Variants in AK5 observed in about 807,000 individuals in gnomAD.
AK5 encodes the protein adenylate kinase isoenzyme 5.
Under a neutral mutation model 69.5 loss-of-function variants are expected in AK5, and 27 were observed. The ratio of observed to expected loss-of-function variants is 0.39; its 90% confidence interval spans 0.29 to 0.54. The LOEUF (loss-of-function observed/expected upper bound fraction) is 0.54. AK5 is among the 20% of genes least tolerant of loss of function. The pLI is 0.71. For synonymous variants in AK5, 260 were observed against 244.4 expected, an observed-to-expected ratio of 1.06 and a Z score of -0.60; for missense variants, 531 against 700.4, an observed-to-expected ratio of 0.76 and a Z score of 2.73.
intron 8 of AK5, among the ~76,000 whole-genome samples, chr1:77,471,633 T>G (rs1201999691): frequency 6.6e-6 from 1 of 152,144 alleles, no homozygotes; most frequent in Non-Finnish European, 1.5e-5. Flanking sequence ...TTAAAGCCTA[T>G]CCCCAAAGAT....
chr1:77,499,869 CATTTTTTTTTTTT>C (rs1371244046), intron 10 of AK5, among the ~76,000 whole-genome samples: 21 of 78,776 alleles, frequency 2.7e-4, no homozygotes, highest in South Asian at 1.1e-3. Context: ...GCCCTTTTTC[CATTTTTTTTTTTT>C]TTTTTTTTTT....
At chr1:77,340,675 TG>T in intron 6 of AK5, 107 bp downstream of exon 6, 1 of 1,015,858 alleles carries the variant, frequency 9.8e-7, no homozygotes, top group Non-Finnish European at 1.4e-6. Flanking sequence ...AAGTGGCTTT[TG>T]GGGGGTACAG....
intron 10 of AK5, among the ~76,000 whole-genome samples, chr1:77,510,788 A>C (rs529450791): frequency 3.3e-4 from 50 of 152,222 alleles, no homozygotes; most frequent in African/African-American, 1.1e-3. Flanking sequence ...GTGTTTGTGC[A>C]CCATGACGAG....
In AK5 at chr1:77,558,718, A is replaced by G. The variant is rs1325362961; in HGVS notation, c.*48A>G. ...GAATGGAAACAGAAAAACATTAAAAAGTTCATTCCTTAACACAATGTTTCA... is the reference window on the plus strand; with the variant it reads ...GAATGGAAACAGAAAAACATTAAAAGGTTCATTCCTTAACACAATGTTTCA... On this transcript the variant is annotated 3_prime_UTR_variant, in exon 14 of 14. Coordinates refer to ENST00000354567, the MANE Select transcript of AK5 (RefSeq NM_174858.3). The G allele has an allele frequency of 1.5e-6, 2 of 1,302,490 alleles. No homozygotes were observed. Among genetic ancestry groups the G allele is most frequent in the Non-Finnish European group, 2.2e-6 (2 of 899,564 alleles). The allele number at this position is 1,302,490 out of a possible 1,614,324, so 80.7% of individuals were successfully genotyped here.
chr1:77,403,355 T>A (rs375697544), intron 6 of AK5, among the ~76,000 whole-genome samples: 7 of 151,932 alleles, frequency 4.6e-5, no homozygotes, highest in African/African-American at 1.5e-4. Flanking sequence ...GGTGTTTTAG[T>A]CATGAAGTCC....
chr1:77,312,949 T>A (rs1387788556), intron 5 of AK5, among the ~76,000 whole-genome samples: 1 of 152,118 alleles, frequency 6.6e-6, no homozygotes, highest in Admixed American at 6.5e-5. Flanking sequence ...CCTTCCTTCA[T>A]AATGATGCTG....
chr1:77,283,063 G>A, intron 1 of AK5: 1 of 985,618 alleles, frequency 1.0e-6, no homozygotes, highest in Non-Finnish European at 1.2e-6. Flanking sequence ...AGGGAGCTGC[G>A]AGGGGGGCGG....
chr1:77,364,347 T>G (rs1013635921), intron 6 of AK5, among the ~76,000 whole-genome samples: 2 of 152,218 alleles, frequency 1.3e-5, no homozygotes, highest in African/African-American at 4.8e-5. Flanking sequence ...TTTCTGTCAT[T>G]TCAAACATTA....
intron 6 of AK5, among the ~76,000 whole-genome samples, chr1:77,399,778 A>G (rs912843630): frequency 2.0e-5 from 3 of 152,218 alleles, no homozygotes; most frequent in Admixed American, 6.5e-5. Flanking sequence ...GATGACCTCA[A>G]TCCTCTCAGC....
intron 8 of AK5, among the ~76,000 whole-genome samples, chr1:77,459,669 A>T (rs984831113): frequency 6.6e-6 from 1 of 152,206 alleles, no homozygotes; most frequent in Non-Finnish European, 1.5e-5. Flanking sequence ...CCACAGATTT[A>T]ACAAATACTT....
intron 2 of AK5, among the ~76,000 whole-genome samples, chr1:77,290,636 C>T (rs972858233): frequency 3.3e-5 from 5 of 152,174 alleles, no homozygotes; most frequent in African/African-American, 1.2e-4. Flanking sequence ...TCATAGAGCC[C>T]ATCTTCCAGA....
At chr1:77,428,060 A>T (rs533471802) in intron 8 of AK5, among the ~76,000 whole-genome samples, 2 of 152,192 alleles carry the variant, frequency 1.3e-5, no homozygotes, top group Non-Finnish European at 1.5e-5. Flanking sequence ...ACATTTCAAC[A>T]TGAGATGAGA....
At chr1:77,527,519 G>A (rs1168141192) in intron 12 of AK5, among the ~76,000 whole-genome samples, 1 of 152,188 alleles carries the variant, frequency 6.6e-6, no homozygotes, top group African/African-American at 2.4e-5. Flanking sequence ...TACACTCAAT[G>A]CTAAAATTCA....
intron 10 of AK5, among the ~76,000 whole-genome samples, chr1:77,489,179 T>C (rs1353616011): frequency 6.6e-6 from 1 of 152,150 alleles, no homozygotes; most frequent in Admixed American, 6.5e-5. Flanking sequence ...AACAGCACAG[T>C]AGAAGATCTT....
chr1:77,321,306 T>C (rs1037815871), intron 5 of AK5, among the ~76,000 whole-genome samples: 15 of 152,230 alleles, frequency 9.9e-5, no homozygotes, highest in African/African-American at 3.6e-4. Context: ...ACCCCATCTC[T>C]ACTAAAAATA....
Position 77,379,330 on chromosome 1 carries a change from G to A in AK5, c.892-31651G>A, listed in dbSNP as rs139211234. ...GAGCACATTAATCATCATCATTATC[G>A]CAGATCCCAGAAAGGAAGAGGCTTT... On this transcript the variant is annotated intron_variant, in intron 6 of 13. Transcript: ENST00000354567. 2.5e-3 allele frequency among the ~76,000 whole-genome samples: 384 copies of A among 152,266 alleles called. 1 individual carries two copies. Among genetic ancestry groups the A allele is most frequent in the African/African-American group, 8.8e-3 (364 of 41,530 alleles).
chr1:77,478,260 G>A (rs1655064685), intron 8 of AK5, among the ~76,000 whole-genome samples: 1 of 152,214 alleles, frequency 6.6e-6, no homozygotes, highest in Non-Finnish European at 1.5e-5. Flanking sequence ...GAGGTGATCT[G>A]TGATATGGTT....
intron 10 of AK5, among the ~76,000 whole-genome samples, chr1:77,513,438 A>G (rs1294872097): frequency 6.6e-6 from 1 of 152,208 alleles, no homozygotes. Flanking sequence ...TGTCAAACCC[A>G]TTCTAGCTGT....
rs1340094075 is a variant in AK5, at chr1:77,367,660, A to ATAT, written c.891+27093_891+27095dup. On this transcript the variant is annotated intron_variant, in intron 6 of 13. Transcript: ENST00000354567. ...ATATGTTATGTTATATATGTTATAT[A>ATAT]TATGTTATATATAATATATATGTTA... Among the ~76,000 whole-genome samples, 132 of 95,048 alleles carry ATAT rather than the reference A, an allele frequency of 1.4e-3. 4 individuals are homozygous for ATAT. The highest frequency in any genetic ancestry group is 5.4e-3 in the Middle Eastern group (1 of 186). 62.4% of individuals were successfully genotyped at this position (95,048 alleles called of 152,430 possible).
Sources: allele counts gnomAD v4.1 joint callset (sites outside exome capture counted in the v4.1 genomes callset), GRCh38; gene constraint gnomAD v4.1.1; transcripts MANE v1.5; gene names NCBI Gene and HGNC (gene_info 2026-07-23, HGNC 2026-07-21).